The following TET1 variants were observed in gnomAD, a reference collection of about 807,000 sequenced individuals.
The protein encoded by TET1 is methylcytosine dioxygenase TET1.
In TET1, 13 loss-of-function variants were observed where a neutral mutation model predicts 148.7. That is an observed-to-expected ratio of 0.09 (90% CI 0.06 to 0.14). TET1 has a LOEUF of 0.14. Among genes scored for constraint, TET1 ranks in the 10% least tolerant of loss-of-function variants. The pLI is 1.00. For synonymous variants in TET1, 907 were observed against 937.2 expected (o/e 0.97, Z 0.59); for missense variants, 2,182 against 2,553.8 (o/e 0.85, Z 3.14).
intron 3 of TET1, among the ~76,000 whole-genome samples, chr10:68,636,032 C>A (rs1445257397): frequency 2.0e-5 from 3 of 152,132 alleles, no homozygotes; most frequent in Admixed American, 6.6e-5. Context: ...ATGATTGAAT[C>A]TGACTGATAA....
intron 3 of TET1, among the ~76,000 whole-genome samples, chr10:68,625,857 C>T (rs1313547285): frequency 6.6e-6 from 1 of 151,882 alleles, no homozygotes; most frequent in African/African-American, 2.4e-5. Flanking sequence ...GAGGCTGAGG[C>T]AGGTGGATCG....
At chr10:68,571,061 G>T (rs1285373763) in intron 1 of TET1, among the ~76,000 whole-genome samples, 1 of 151,528 alleles carries the variant, frequency 6.6e-6, no homozygotes, top group East Asian at 1.9e-4. Flanking sequence ...TGCAATCTCG[G>T]CTCACTGCAA....
intron 4 of TET1, among the ~76,000 whole-genome samples, chr10:68,647,421 T>C (rs1455831135): frequency 1.3e-5 from 2 of 152,132 alleles, no homozygotes; most frequent in Non-Finnish European, 2.9e-5. Flanking sequence ...CTGGCCAACA[T>C]GGTGAAACCC....
chr10:68,628,442 C>T (rs75944547), intron 3 of TET1, among the ~76,000 whole-genome samples: 116 of 152,280 alleles, frequency 7.6e-4, no homozygotes, highest in Non-Finnish European at 1.6e-3. Flanking sequence ...CAAAGTTCAT[C>T]CTTAGATTTC....
At chr10:68,689,737 C>T (rs894490107) in intron 11 of TET1, among the ~76,000 whole-genome samples, 1 of 151,762 alleles carries the variant, frequency 6.6e-6, no homozygotes, top group African/African-American at 2.4e-5. Flanking sequence ...CAGGATCGCA[C>T]CACTGCACTC....
At chr10:68,663,021 G>C (rs2055144707) in intron 6 of TET1, among the ~76,000 whole-genome samples, 1 of 152,220 alleles carries the variant, frequency 6.6e-6, no homozygotes, top group African/African-American at 2.4e-5. Context: ...CGTTTCTCTT[G>C]AGGGTTGGAG....
chr10:68,575,557 C>G (rs2053719079), intron 2 of TET1, among the ~76,000 whole-genome samples: 1 of 151,556 alleles, frequency 6.6e-6, no homozygotes, highest in South Asian at 2.1e-4. Context: ...ACAAAATTAG[C>G]TGGGCATAGT....
Position 68,593,929 on chromosome 10 carries a change from T to TTTTG in TET1, c.1915-7049_1915-7048insGTTT, listed in dbSNP as rs1452929975. On this transcript the variant is annotated intron_variant, in intron 2 of 11. Coordinates refer to ENST00000373644, the MANE Select transcript of TET1 (RefSeq NM_030625.3). The stretch of plus-strand genomic sequence containing the variant: ...GCGCCTGAGCTATTTTTTTTTTTTT[T>TTTTG]TTTTTTTTTTTTTTGAGACAGAGTC... 3.0e-4 allele frequency among the ~76,000 whole-genome samples: 39 copies of TTTTG among 128,132 alleles called. 2 individuals are homozygous for TTTTG. The highest frequency in any genetic ancestry group is 5.4e-4 in the Non-Finnish European group (32 of 59,646). 84.1% of individuals were successfully genotyped at this position (128,132 alleles called of 152,430 possible). A position where few individuals can be genotyped will look rare whatever the true frequency, so the allele number is the denominator to read the frequency against.
intron 8 of TET1, among the ~76,000 whole-genome samples, chr10:68,673,960 CTTTTTT>C: frequency 1.4e-5 from 1 of 72,430 alleles, no homozygotes; most frequent in Admixed American, 1.5e-4. Flanking sequence ...TTTTCTTTTT[CTTTTTT>C]TTTTTTTTTT....
chr10:68,580,362 C>T (rs2053780050), intron 2 of TET1, among the ~76,000 whole-genome samples: 1 of 128,752 alleles, frequency 7.8e-6, no homozygotes, highest in African/African-American at 2.9e-5. Context: ...GCTCTGTCAC[C>T]CAGGTTGGAG....
At chr10:68,678,728 CA>C (rs1163462321) in intron 8 of TET1, among the ~76,000 whole-genome samples, 2 of 151,604 alleles carry the variant, frequency 1.3e-5, no homozygotes, top group Admixed American at 6.6e-5. Flanking sequence ...CCCCCACACA[CA>C]AAAAAAGAGT....
intron 6 of TET1, among the ~76,000 whole-genome samples, chr10:68,664,915 C>T (rs2055176125): frequency 6.6e-6 from 1 of 151,918 alleles, no homozygotes; most frequent in Non-Finnish European, 1.5e-5. Context: ...ACTGGGACTA[C>T]AGGTACATGC....
chr10:68,672,854 A>G (rs201743407), intron 7 of TET1, 41 bp from the exon 8 acceptor site: 1 of 1,567,324 alleles, frequency 6.4e-7, no homozygotes, highest in South Asian at 1.2e-5. Context: ...GAGGTATTGT[A>G]ATGCTTCATC....
At position 68,691,371 on chromosome 10, in the gene TET1, A is replaced by G; in HGVS notation, c.5968A>G (p.Ile1990Val). 2.5e-6 allele frequency: 4 copies of G among 1,614,124 alleles called. No individual in the cohort carries two copies. The highest frequency in any genetic ancestry group is 2.5e-6 in the Non-Finnish European group (3 of 1,180,016). Residue 1990 changes from isoleucine to valine, a missense_variant, in exon 12 of 12, where the codon ATT (isoleucine) becomes GTT (valine). This residue lies in a region of TET1 where 380 missense variants were observed against 387.9 expected (regional missense o/e 0.98). Transcript: ENST00000373644. This position sits in a 1 kb window ranked among gnomAD's most constrained non-coding sequence, Gnocchi z 4.4. ...LSPAEEKLPH[I>V]DEYWSDSEHI... Reference sequence around the variant, plus strand: ...ACCTGCTGAGGAGAAATTGCCCCACATTGATGAGTATTGGTCAGACAGTGA... The same window carrying G: ...ACCTGCTGAGGAGAAATTGCCCCACGTTGATGAGTATTGGTCAGACAGTGA...
chr10:68,663,389 A>C (rs10998371), intron 6 of TET1, among the ~76,000 whole-genome samples: 27,701 of 152,166 alleles, frequency 0.18, 3,138 homozygotes, highest in African/African-American at 0.31. Context: ...TTACTGAGAT[A>C]TCAGACTTTA....
At chr10:68,624,898 A>AT (rs376892545) in intron 3 of TET1, among the ~76,000 whole-genome samples, 2,274 of 149,516 alleles carry the variant, frequency 0.015, 47 homozygotes, top group African/African-American at 0.052. Context: ...CGCCCAGCTA[A>AT]TTTTTTTTTG....
At chr10:68,569,166 CTTTTTTTTT>C (rs34385747) in intron 1 of TET1, among the ~76,000 whole-genome samples, 2 of 69,766 alleles carry the variant, frequency 2.9e-5, no homozygotes, top group East Asian at 9.5e-4. Context: ...AGGAGAGTTT[CTTTTTTTTT>C]TTTTTTTTTT....
chr10:68,668,820 A>T (rs2055229400), intron 7 of TET1, among the ~76,000 whole-genome samples: 1 of 152,158 alleles, frequency 6.6e-6, no homozygotes, highest in Non-Finnish European at 1.5e-5. Flanking sequence ...CTACAAAAAT[A>T]TTTTTTTAAA....
At chr10:68,598,371 G>C (rs1475460039) in intron 2 of TET1, among the ~76,000 whole-genome samples, 1 of 152,128 alleles carries the variant, frequency 6.6e-6, no homozygotes, top group Non-Finnish European at 1.5e-5. Context: ...GGCGACAAGA[G>C]TGAAACTCGA....
Sources: allele counts gnomAD v4.1 joint callset (sites outside exome capture counted in the v4.1 genomes callset), GRCh38; gene constraint gnomAD v4.1.1; regional missense constraint gnomAD v4.1.1; non-coding constraint Gnocchi (gnomAD v3.1); transcripts MANE v1.5; gene names NCBI Gene and HGNC (gene_info 2026-07-23, HGNC 2026-07-21).